Variants in LAPTM4A observed in about 807,000 individuals in gnomAD.
LAPTM4A encodes lysosomal protein transmembrane 4 alpha.
Under a neutral mutation model 29.9 loss-of-function variants are expected in LAPTM4A, and 19 were observed. The ratio of observed to expected loss-of-function variants is 0.64; its 90% CI spans 0.44 to 0.93. The LOEUF is 0.93. Among genes scored for constraint, LAPTM4A ranks in the 40% least tolerant of loss-of-function variants. LAPTM4A has a pLI of 0.00. For synonymous variants in LAPTM4A, 105 were observed against 102.1 expected (o/e 1.03, Z -0.17); for missense variants, 293 against 288.5 (o/e 1.02, Z -0.11).
At chr2:20,034,106 A>C (rs954108009) in intron 6 of LAPTM4A, among the ~76,000 whole-genome samples, 1 of 152,190 alleles carries the variant, frequency 6.6e-6, no homozygotes, top group Admixed American at 6.5e-5. Context: ...TAAATCTAAC[A>C]GCCAAACTGG....
chr2:20,033,012 T>C lies in LAPTM4A; in HGVS notation c.*193A>G, dbSNP rs541325871. Reference sequence around the variant, plus strand: ...ATTGTCTTCAAAAACTATTAAAATGTAAAAGACTTAACAAAAAAACAAAAA... The same window carrying C: ...ATTGTCTTCAAAAACTATTAAAATGCAAAAGACTTAACAAAAAAACAAAAA... On this transcript the variant is annotated 3_prime_UTR_variant, in exon 7 of 7. Transcript: ENST00000175091. 22 of 574,822 alleles carry C rather than the reference T, an allele frequency of 3.8e-5. No homozygotes were observed. In the African/African-American group the frequency reaches 3.9e-4, roughly 10 times the overall value. The allele number at this position is 574,822 out of a possible 1,614,324, so 35.6% of individuals were successfully genotyped here. A position where few individuals can be genotyped will look rare whatever the true frequency, so the allele number is the denominator to read the frequency against.
rs1572402625 is a variant in LAPTM4A, at chr2:20,051,402, C to T, written c.111+8G>A. ...CCCGGACATACGCGCCACGCCTGCC[C>T]GCCTTACCATGTACCAGGTCCCCAG... is the stretch of plus-strand genomic sequence containing the variant. On this transcript the variant is annotated splice_region_variant and intron_variant, in intron 1 of 6. Transcript: ENST00000175091. 6.3e-7 allele frequency: 1 copy of T among 1,596,326 alleles called. No homozygotes were observed. Among genetic ancestry groups the T allele is most frequent in the African/African-American group, 1.3e-5 (1 of 74,626 alleles).
intron 2 of LAPTM4A, among the ~76,000 whole-genome samples, chr2:20,039,710 T>C (rs1000770054): frequency 6.6e-6 from 1 of 151,958 alleles, no homozygotes; most frequent in Non-Finnish European, 1.5e-5. Flanking sequence ...TAAGACCTTT[T>C]CTCTAAAAAA....
rs142563595 is a variant in LAPTM4A at position 20,034,975 on chromosome 2, T to C, written c.520A>G (p.Ile174Val). Reference sequence around the variant, plus strand: ...TTTAGTCAGCAACGTACCTTAAAAATGATGAATAAGGCAAAGAACACAAGA... The same window carrying C: ...TTTAGTCAGCAACGTACCTTAAAAACGATGAATAAGGCAAAGAACACAAGA... ...IVLVFFALFI[I>V]FKAYLINCVW... Residue 174 changes from isoleucine to valine, a missense_variant, in exon 5 of 7, where the codon ATT becomes GTT. Ile to Val is a conservative substitution (Grantham distance 29, BLOSUM62 3). Transcript: ENST00000175091. 1.7e-5 allele frequency: 28 copies of C among 1,610,412 alleles called. No homozygotes were observed. The African/African-American group carries it at 2.8e-4, about 16-fold the overall frequency.
At chr2:20,037,823 T>C (rs1017983670) in intron 2 of LAPTM4A, among the ~76,000 whole-genome samples, 2 of 151,858 alleles carry the variant, frequency 1.3e-5, no homozygotes, top group African/African-American at 2.4e-5. Context: ...AAAGCACTTA[T>C]TTGTTAAATC....
intron 1 of LAPTM4A, among the ~76,000 whole-genome samples, chr2:20,049,829 A>G (rs1355342433): frequency 6.6e-6 from 1 of 152,188 alleles, no homozygotes; most frequent in Non-Finnish European, 1.5e-5. Flanking sequence ...GGTGAGGAAG[A>G]CGGAATTGAG....
At chr2:20,037,074 C>T (rs1673692662) in intron 4 of LAPTM4A, among the ~76,000 whole-genome samples, 1 of 152,132 alleles carries the variant, frequency 6.6e-6, no homozygotes, top group Admixed American at 6.5e-5. Flanking sequence ...ACTACTAGTT[C>T]CATAATATCC....
At chr2:20,035,327 A>AT in intron 4 of LAPTM4A, 1 of 397,994 alleles carries the variant, frequency 2.5e-6, no homozygotes, top group Non-Finnish European at 4.7e-6. Flanking sequence ...ACTTTTCACT[A>AT]TTTTCCATCT....
At chr2:20,050,628 G>A (rs1040819425) in intron 1 of LAPTM4A, among the ~76,000 whole-genome samples, 6 of 152,112 alleles carry the variant, frequency 3.9e-5, no homozygotes, top group African/African-American at 1.2e-4. Context: ...TATTACTAGT[G>A]AATCACCAGG....
chr2:20,051,256 T>A (rs2148217154), intron 1 of LAPTM4A, among the ~76,000 whole-genome samples, 154 bp downstream of exon 1: 1 of 152,108 alleles, frequency 6.6e-6, no homozygotes, highest in South Asian at 2.1e-4. Flanking sequence ...TTTCCCAAAG[T>A]CCTTGGACTT....
At chr2:20,034,521 A>G in intron 5 of LAPTM4A, 106 bp from the exon 6 acceptor site, 1 of 785,820 alleles carries the variant, frequency 1.3e-6, no homozygotes, top group Admixed American at 1.9e-5. Flanking sequence ...TCTGTGTAGA[A>G]GGGAGCTGAC....
At chr2:20,038,454 C>A (rs563888765) in intron 2 of LAPTM4A, among the ~76,000 whole-genome samples, 1 of 152,152 alleles carries the variant, frequency 6.6e-6, no homozygotes, top group Non-Finnish European at 1.5e-5. Context: ...GAGACAGAGT[C>A]TTGCTCTGTC....
intron 2 of LAPTM4A, among the ~76,000 whole-genome samples, chr2:20,038,608 T>C (rs1483321739): frequency 2.0e-5 from 3 of 152,022 alleles, no homozygotes; most frequent in Non-Finnish European, 2.9e-5. Flanking sequence ...GTATTTCTAG[T>C]AGAGACGAGG....
intron 1 of LAPTM4A, among the ~76,000 whole-genome samples, chr2:20,050,781 C>A (rs973439799): frequency 6.6e-6 from 1 of 152,156 alleles, no homozygotes; most frequent in Admixed American, 6.5e-5. Context: ...GCACCTACTG[C>A]GCAGGGAGGA....
chr2:20,037,751 TAAAAAAA>T, intron 2 of LAPTM4A, 137 bp from the exon 3 acceptor site: 2 of 361,610 alleles, frequency 5.5e-6, no homozygotes, highest in South Asian at 6.8e-5. Context: ...GCCAAGAGGG[TAAAAAAA>T]AAAAAAAAAA....
At chr2:20,049,029 T>C (rs561400661) in intron 1 of LAPTM4A, among the ~76,000 whole-genome samples, 42 of 152,372 alleles carry the variant, frequency 2.8e-4, no homozygotes, top group Admixed American at 1.0e-3. Flanking sequence ...CCAGTACTTA[T>C]TCTGATTAGA....
chr2:20,034,337 C>A lies in LAPTM4A; in HGVS notation c.607G>T (p.Ala203Ser), dbSNP rs759920834. The A allele has an allele frequency of 2.5e-6, 4 of 1,613,502 alleles. No individual in the cohort carries two copies. The highest frequency in any genetic ancestry group is 3.4e-6 in the Non-Finnish European group (4 of 1,179,536). ...CTAACCTGAGGAGGTGCTTCAAAGG[C>A]AGGGTACACAGCAATCTCCGGCACG... ...RNVPEIAVYP[A>S]FEAPPQYVLP... The change falls in exon 6 of 7, where the codon GCC becomes TCC. Residue 203 changes from alanine to serine, a missense_variant. By Grantham distance (99) the Ala-to-Ser change is moderately conservative. Transcript: ENST00000175091.
At chr2:20,051,130 G>A (rs1418224440) in intron 1 of LAPTM4A, among the ~76,000 whole-genome samples, 1 of 152,184 alleles carries the variant, frequency 6.6e-6, no homozygotes, top group African/African-American at 2.4e-5. Flanking sequence ...CCCTTCGCCT[G>A]CAAAGCCTCT....
chr2:20,051,422 C>G lies in LAPTM4A; in HGVS notation c.99G>C (p.Gly33=), dbSNP rs1162668503. The G allele has an allele frequency of 1.2e-6, 2 of 1,611,554 alleles. No homozygotes were observed. Among genetic ancestry groups the G allele is most frequent in the Non-Finnish European group, 1.7e-6 (2 of 1,178,108 alleles). ...CTGCCCGCCTTACCATGTACCAGGT[C>G]CCCAGGATGATCGTCCCGGTGCGGA... is the stretch of plus-strand genomic sequence containing the variant. The part of the protein sequence containing the change: ...CHVRTGTIIL[G]TWYMVVNLLM... Residue 33 remains glycine, a synonymous_variant, in exon 1 of 7, where the codon GGG becomes GGC. Coordinates refer to ENST00000175091, the MANE Select transcript of LAPTM4A (RefSeq NM_014713.5).
Sources: gnomAD v4.1 joint callset for allele counts (sites outside exome capture counted in the v4.1 genomes callset) on GRCh38, gnomAD v4.1.1 for gene constraint, MANE v1.5 for transcripts, NCBI Gene and HGNC (gene_info 2026-07-23, HGNC 2026-07-21) for gene names.